AR: variants seen among roughly 807,000 people sequenced by gnomAD.
AR encodes androgen receptor.
In AR, 8 loss-of-function variants were observed where a neutral mutation model predicts 53.9. The observed-to-expected ratio is 0.15, with a 90% CI of 0.09 to 0.27. The LOEUF is 0.27. Among genes scored for constraint, AR ranks in the 10% least tolerant of loss-of-function variants. The pLI, the probability that AR is intolerant of heterozygous loss-of-function variation, is 1.00. For synonymous variants in AR, 359 were observed against 316.4 expected, an observed-to-expected ratio of 1.13 and a Z score of -1.43; for missense variants, 639 against 742.5, an observed-to-expected ratio of 0.86 and a Z score of 1.62.
At chrX:67,666,115 G>A (rs1242280452) in intron 2 of AR, among the ~76,000 whole-genome samples, 1 of 110,028 alleles carries the variant, frequency 9.1e-6, no homozygotes, top group African/African-American at 3.3e-5. Context: ...ATAAATTATT[G>A]TTGACTGCAG....
In AR at chrX:67,648,623, CCA is replaced by C. The variant is rs747988420; in HGVS notation, c.1768+5218_1768+5219del. On this transcript the variant is annotated intron_variant, in intron 2 of 7. Coordinates refer to ENST00000374690, the MANE Select transcript of AR (RefSeq NM_000044.6). ...CTCTGTAACTCATTGAAGTTGGTGCCCACCCAAGTCTCTGTCAGTGCCCAATT... is the reference window on the plus strand; with the variant it reads ...CTCTGTAACTCATTGAAGTTGGTGCCCCCAAGTCTCTGTCAGTGCCCAATT... 6.3e-4 allele frequency among the ~76,000 whole-genome samples: 70 copies of C among 111,978 alleles called. No individual in the cohort carries two copies. The South Asian group carries it at 0.025, about 40-fold the overall frequency.
Position 67,727,171 on chromosome X carries a change from T to C in AR, c.*3330T>C. The stretch of plus-strand genomic sequence containing the variant: ...GGATTCTTTGTTTCATAGCTTTTTC[T>C]ATGCCATAGGCAATATTGTTGTTCT... On this transcript the variant is annotated 3_prime_UTR_variant, in exon 8 of 8. Coordinates refer to ENST00000374690, the MANE Select transcript of AR (RefSeq NM_000044.6). The C allele has an allele frequency of 5.8e-6, 1 of 171,703 alleles. No individual in the cohort carries two copies. The highest frequency in any genetic ancestry group is 8.4e-5 in the East Asian group (1 of 11,926). 14.2% of individuals were successfully genotyped at this position (171,703 alleles called of 1,213,427 possible). A position where few individuals can be genotyped will look rare whatever the true frequency, so the allele number is the denominator to read the frequency against.
chrX:67,713,784 G>A (rs922958606), intron 4 of AR, among the ~76,000 whole-genome samples: 8 of 111,461 alleles, frequency 7.2e-5, no homozygotes, highest in African/African-American at 2.6e-4. Flanking sequence ...CCACCAAGAT[G>A]GAAAGCCCCC....
At chrX:67,630,125 G>A (rs1002034059) in intron 1 of AR, among the ~76,000 whole-genome samples, 1 of 111,278 alleles carries the variant, frequency 9.0e-6, no homozygotes, top group Non-Finnish European at 1.9e-5. Flanking sequence ...TTGATTTGGG[G>A]TAGAGAGTTC....
intron 3 of AR, among the ~76,000 whole-genome samples, chrX:67,703,324 TTC>T (rs1324823973): frequency 8.9e-6 from 1 of 112,276 alleles, no homozygotes; most frequent in African/African-American, 3.2e-5. Flanking sequence ...TTATTTATAT[TTC>T]TGTCTATATA....
rs914889382 is a variant in AR at position 67,631,206 on chromosome X, G to T, written c.1617-12050G>T. On this transcript the variant is annotated intron_variant, in intron 1 of 7. Coordinates refer to ENST00000374690, the MANE Select transcript of AR (RefSeq NM_000044.6). Reference sequence around the variant, plus strand: ...TGGCCTGCCTTGCTAGACTGGGGAGGTTCTCCTGGATAATATCCTGCAGAG... The same window carrying T: ...TGGCCTGCCTTGCTAGACTGGGGAGTTTCTCCTGGATAATATCCTGCAGAG... 2.2e-4 allele frequency among the ~76,000 whole-genome samples: 24 copies of T among 111,455 alleles called. 1 individual carries two copies. Among genetic ancestry groups the T allele is most frequent in the African/African-American group, 6.8e-4 (21 of 30,659 alleles).
intron 1 of AR, among the ~76,000 whole-genome samples, chrX:67,627,549 A>T (rs1274506199): frequency 9.0e-6 from 1 of 111,056 alleles, no homozygotes; most frequent in Non-Finnish European, 1.9e-5. Context: ...TCAGATGAGT[A>T]CGTTGCGAAA....
rs760666982 is a variant in AR at position 67,729,506 on chromosome X, C to T, written c.*5665C>T. ...GCTTTTGACTCAGCTTTGATTTATC[C>T]TCATTTGATTTGGCCAGAAAGTAGG... On this transcript the variant is annotated 3_prime_UTR_variant, in exon 8 of 8. Coordinates refer to ENST00000374690, the MANE Select transcript of AR (RefSeq NM_000044.6). 1 of 173,457 alleles carries T rather than the reference C, an allele frequency of 5.8e-6. No individual in the cohort carries two copies. Among genetic ancestry groups the T allele is most frequent in the East Asian group, 8.2e-5 (1 of 12,256 alleles). 14.3% of individuals were successfully genotyped at this position (173,457 alleles called of 1,213,427 possible).
chrX:67,568,742 T>C, intron 1 of AR: 2 of 798,914 alleles, frequency 2.5e-6, no homozygotes, highest in Non-Finnish European at 3.4e-6. Context: ...GGTATGTTAG[T>C]TTGCTTATCT....
chrX:67,715,036 A>C (rs2147528207), intron 4 of AR, among the ~76,000 whole-genome samples: 1 of 111,384 alleles, frequency 9.0e-6, no homozygotes, highest in East Asian at 2.8e-4. Flanking sequence ...AGGGAGAAAA[A>C]AATAAGCATC....
chrX:67,639,331 T>C (rs1005385590), intron 1 of AR, among the ~76,000 whole-genome samples: 1 of 112,144 alleles, frequency 8.9e-6, no homozygotes, highest in Non-Finnish European at 1.9e-5. Flanking sequence ...AAATTTAAAG[T>C]AGTTTTTTTA....
At chrX:67,635,588 G>A (rs1925394364) in intron 1 of AR, among the ~76,000 whole-genome samples, 1 of 110,845 alleles carries the variant, frequency 9.0e-6, no homozygotes. Flanking sequence ...GTCAGGGAGA[G>A]AGAGAGAGAG....
chrX:67,550,117 G>T, intron 1 of AR, among the ~76,000 whole-genome samples: 1 of 111,888 alleles, frequency 8.9e-6, no homozygotes, highest in East Asian at 2.8e-4. Flanking sequence ...CACACTGGGT[G>T]GCACCCCATT....
chrX:67,545,622 C>A lies in AR; in HGVS notation c.476C>A (p.Ala159Asp), dbSNP rs2147316629. ...LPAPPDEDDSAAPSTLSLLGP... is the reference protein window; with the variant it reads ...LPAPPDEDDSDAPSTLSLLGP... ...GCACCTCCGGACGAGGATGACTCAG[C>A]TGCCCCATCCACGTTGTCCCTGCTG... is the stretch of plus-strand genomic sequence containing the variant. Residue 159 changes from alanine to aspartate, a missense_variant, in exon 1 of 8, where the codon GCT becomes GAT. By Grantham distance (126) the Ala-to-Asp change is moderately radical. Transcript: ENST00000374690. 1 of 1,191,377 alleles carries A rather than the reference C, an allele frequency of 8.4e-7. No homozygotes were observed. The highest frequency in any genetic ancestry group is 1.1e-6 in the Non-Finnish European group (1 of 885,091).
intron 4 of AR, among the ~76,000 whole-genome samples, chrX:67,712,249 A>G (rs1439134161): frequency 1.8e-5 from 2 of 112,035 alleles, no homozygotes; most frequent in African/African-American, 6.5e-5. Flanking sequence ...CTATCTGTAT[A>G]ATGTATAAAG....
intron 1 of AR, among the ~76,000 whole-genome samples, chrX:67,626,195 A>C (rs1415905820): frequency 1.8e-5 from 2 of 110,465 alleles, no homozygotes; most frequent in African/African-American, 6.6e-5. Flanking sequence ...TGTACCCATT[A>C]ACCATCCCCA....
At chrX:67,585,645 T>G (rs1205970211) in intron 1 of AR, among the ~76,000 whole-genome samples, 3 of 112,108 alleles carry the variant, frequency 2.7e-5, no homozygotes, top group African/African-American at 9.7e-5. Flanking sequence ...GCCAGATTGC[T>G]CCATAACCAT....
intron 2 of AR, among the ~76,000 whole-genome samples, chrX:67,644,379 G>A (rs1925945445): frequency 8.9e-6 from 1 of 111,945 alleles, no homozygotes. Context: ...TTTCCCCAAA[G>A]AGGTACTTCC....
chrX:67,684,085 A>G (rs1039838131), intron 2 of AR, among the ~76,000 whole-genome samples: 10 of 111,690 alleles, frequency 9.0e-5, no homozygotes, highest in African/African-American at 1.3e-4. Flanking sequence ...AGCTTATTTC[A>G]GTAATCAATG....
Sources: gnomAD v4.1 joint callset for allele counts (sites outside exome capture counted in the v4.1 genomes callset) on GRCh38, gnomAD v4.1.1 for gene constraint, MANE v1.5 for transcripts, NCBI Gene and HGNC (gene_info 2026-07-23, HGNC 2026-07-21) for gene names.